The following KNSTRN variants were observed in gnomAD, a reference collection of about 807,000 sequenced individuals.
The protein encoded by KNSTRN is kinetochore localized astrin (SPAG5) binding protein.
In KNSTRN, 38 loss-of-function variants were observed where a neutral mutation model predicts 44.7. The observed-to-expected ratio is 0.85, with a 90% CI of 0.66 to 1.11. The LOEUF is 1.11. Among genes scored for constraint, KNSTRN ranks in the 50% most tolerant of loss-of-function variants. The probability of loss-of-function intolerance (pLI) is 0.00; values close to 1 mark genes in which losing one functional copy is unlikely to be tolerated. For synonymous variants in KNSTRN, 158 were observed against 148.1 expected, an observed-to-expected ratio of 1.07 and a Z score of -0.48; for missense variants, 406 against 375.8, an observed-to-expected ratio of 1.08 and a Z score of -0.66.
In KNSTRN at chr15:40,393,525, A is replaced by G; in HGVS notation, c.879A>G (p.Gln293=). 4 of 1,614,142 alleles carry G rather than the reference A, an allele frequency of 2.5e-6. No individual in the cohort carries two copies. Among genetic ancestry groups the G allele is most frequent in the Non-Finnish European group, 2.5e-6 (3 of 1,180,012 alleles). The change falls in exon 9 of 9, where the codon CAA becomes CAG. Residue 293 remains glutamine, a synonymous_variant. Coordinates refer to ENST00000249776, the MANE Select transcript of KNSTRN (RefSeq NM_033286.4). ...KEERVRFLEQ[Q]TLCNNQVNDL... is the part of the protein sequence containing the mutation. ...AAAGAGTCCGATTCCTAGAACAGCAAACCTTATGTAACAATCAAGTAAATG... is the reference window on the plus strand; with the variant it reads ...AAAGAGTCCGATTCCTAGAACAGCAGACCTTATGTAACAATCAAGTAAATG...
At position 40,386,485 on chromosome 15, in the gene KNSTRN, GA is replaced by G. The variant is rs748068196; in HGVS notation, c.429del (p.Glu144ArgfsTer5). The G allele has an allele frequency of 2.5e-6, 4 of 1,614,066 alleles. No homozygotes were observed. The Admixed American group carries it at 6.7e-5, about 27-fold the overall frequency. Reference sequence around the variant, plus strand: ...GTTACAAAAATCACCAAACTGAGACGAGAGAATGGGTGAGAACGGATCATTA... The same window carrying G: ...GTTACAAAAATCACCAAACTGAGACGGAGAATGGGTGAGAACGGATCATTA... The part of the protein sequence containing the change: ...NDVTKITKLR[R>X]ENGQMKATDT... On this transcript the variant is annotated frameshift_variant, in exon 3 of 9. Coordinates refer to ENST00000249776, the MANE Select transcript of KNSTRN (RefSeq NM_033286.4). LOFTEE classifies it high-confidence loss of function.
intron 4 of KNSTRN, chr15:40,389,257 T>G (rs1889955728): frequency 2.0e-6 from 1 of 496,610 alleles, no homozygotes; most frequent in Admixed American, 2.5e-5. Context: ...CAAGCGATTA[T>G]CCTGCCTCAG....
rs777168755 is a variant in KNSTRN at position 40,389,557 on chromosome 15, C to A, written c.537C>A (p.Asn179Lys). 1 of 1,614,136 alleles carries A rather than the reference C, an allele frequency of 6.2e-7. No individual in the cohort carries two copies. The highest frequency in any genetic ancestry group is 8.5e-7 in the Non-Finnish European group (1 of 1,180,012). Residue 179 changes from asparagine to lysine, a missense_variant, in exon 5 of 9, where the codon AAC becomes AAA. Physicochemically the swap from Asn to Lys is moderately conservative, Grantham distance 94 (BLOSUM62 0). Transcript: ENST00000249776. ...CAGAGGAAGAGCTCAAGGACAAGAA[C>A]CAGCTGTTAGAAGCCGTCAACAAGC... ...QKSEEELKDK[N>K]QLLEAVNKQL...
At chr15:40,384,346 C>G (rs1459287869) in intron 2 of KNSTRN, 1 of 399,902 alleles carries the variant, frequency 2.5e-6, no homozygotes, top group African/African-American at 2.1e-5. Context: ...TGCACTCCAG[C>G]CTGGGCGACA....
At chr15:40,391,845 C>G (rs1187402209) in intron 7 of KNSTRN, 104 bp from the exon 8 acceptor site, 7 of 871,326 alleles carry the variant, frequency 8.0e-6, no homozygotes, top group Non-Finnish European at 9.0e-6. Flanking sequence ...AATTTCTCTC[C>G]TGACTCCTTT....
chr15:40,385,298 G>T (rs1889884004), intron 2 of KNSTRN, among the ~76,000 whole-genome samples: 1 of 152,192 alleles, frequency 6.6e-6, no homozygotes, highest in South Asian at 2.1e-4. Flanking sequence ...TGCGGGGCTG[G>T]CACAAGGATA....
Position 40,386,415 on chromosome 15 carries a change from G to A in KNSTRN, c.358G>A (p.Val120Ile), listed in dbSNP as rs900091077. 3 of 1,614,132 alleles carry A rather than the reference G, an allele frequency of 1.9e-6. No individual in the cohort carries two copies. The highest frequency in any genetic ancestry group is 3.3e-5 in the Admixed American group (2 of 60,016). Residue 120 changes from valine (V) to isoleucine (I), a missense_variant, in exon 3 of 9, where the codon GTC (valine) becomes ATC (isoleucine). Coordinates refer to ENST00000249776, the MANE Select transcript of KNSTRN (RefSeq NM_033286.4). ...KSLLPVRSKE[V>I]DVSKQLHSGG... is the part of the protein sequence containing the mutation. ...TCTCTTACCTGTTAGGTCCAAAGAAGTCGATGTTTCCAAACAGCTTCATTC... is the reference window on the plus strand; with the variant it reads ...TCTCTTACCTGTTAGGTCCAAAGAAATCGATGTTTCCAAACAGCTTCATTC...
intron 1 of KNSTRN, 72 bp downstream of exon 1, chr15:40,383,116 TTC>T: frequency 1.3e-6 from 2 of 1,595,742 alleles, no homozygotes; most frequent in Non-Finnish European, 1.7e-6. Flanking sequence ...AAGGAGGATT[TTC>T]TCTTTTCCAA....
At chr15:40,383,537 G>T (rs1366193249) in intron 2 of KNSTRN, 3 of 549,392 alleles carry the variant, frequency 5.5e-6, no homozygotes, top group South Asian at 4.7e-5. Context: ...TTTTCTGCCC[G>T]CATGTGTACT....
At chr15:40,386,017 C>G (rs1231748933) in intron 2 of KNSTRN, among the ~76,000 whole-genome samples, 1 of 152,226 alleles carries the variant, frequency 6.6e-6, no homozygotes, top group Non-Finnish European at 1.5e-5. Context: ...AGGAGGATTG[C>G]TTGAGCCCAG....
chr15:40,391,657 C>G, intron 7 of KNSTRN, 103 bp downstream of exon 7: 1 of 941,250 alleles, frequency 1.1e-6, no homozygotes, highest in South Asian at 1.5e-5. Context: ...AAGAAACAGC[C>G]TTTGATTATC....
At chr15:40,393,134 T>G (rs555299484) in intron 8 of KNSTRN, 4 of 1,574,222 alleles carry the variant, frequency 2.5e-6, no homozygotes, top group East Asian at 4.5e-5. Context: ...TATGGAAACT[T>G]GATAACTCAA....
chr15:40,392,764 C>T (rs1890022086), intron 8 of KNSTRN, among the ~76,000 whole-genome samples: 1 of 152,132 alleles, frequency 6.6e-6, no homozygotes, highest in South Asian at 2.1e-4. Flanking sequence ...GCATTTGCGA[C>T]CATGACCGGC....
rs1180428241 is a variant in KNSTRN, at chr15:40,393,500, A to C, written c.854A>C (p.Glu285Ala). The C allele has an allele frequency of 1.2e-6, 2 of 1,613,908 alleles. No individual in the cohort carries two copies. Among genetic ancestry groups the C allele is most frequent in the Non-Finnish European group, 1.7e-6 (2 of 1,179,988 alleles). Reference sequence around the variant, plus strand: ...AAGGTAAAGCTGGAGATGAAAGAGGAAAGAGTCCGATTCCTAGAACAGCAA... The same window carrying C: ...AAGGTAAAGCTGGAGATGAAAGAGGCAAGAGTCCGATTCCTAGAACAGCAA... The part of the protein sequence containing the change: ...ALKVKLEMKE[E>A]RVRFLEQQTL... The change falls in exon 9 of 9, where the codon GAA (glutamate) becomes GCA (alanine). Residue 285 changes from glutamate to alanine, a missense_variant. Physicochemically the swap from Glu to Ala is moderately radical, Grantham distance 107. Coordinates refer to ENST00000249776, the MANE Select transcript of KNSTRN (RefSeq NM_033286.4).
chr15:40,390,616 ATTC>A (rs1180205619), intron 6 of KNSTRN, among the ~76,000 whole-genome samples: 1 of 151,672 alleles, frequency 6.6e-6, no homozygotes, highest in Non-Finnish European at 1.5e-5. Flanking sequence ...AGTTGAGGAT[ATTC>A]TTTTTTTTTT....
At chr15:40,386,536 G>C (rs756535609) in intron 3 of KNSTRN, 42 bp downstream of exon 3, 25 of 1,600,958 alleles carry the variant, frequency 1.6e-5, no homozygotes, top group Non-Finnish European at 2.0e-5. Flanking sequence ...CATCTTCCTA[G>C]AAATTGCTCA....
intron 4 of KNSTRN, chr15:40,389,177 C>T (rs1472507537): frequency 2.2e-6 from 1 of 463,014 alleles, no homozygotes; most frequent in South Asian, 1.6e-5. Flanking sequence ...CGGAGTTTTG[C>T]TCTTGTTGCC....
chr15:40,391,529 C>T lies in KNSTRN; in HGVS notation c.722C>T (p.Ser241Phe). 6.2e-7 allele frequency: 1 copy of T among 1,613,972 alleles called. No homozygotes were observed. The highest frequency in any genetic ancestry group is 8.5e-7 in the Non-Finnish European group (1 of 1,179,902). The change falls in exon 7 of 9, where the codon TCC becomes TTC. Residue 241 changes from serine (S) to phenylalanine (F), a missense_variant. By Grantham distance (155) the Ser-to-Phe change is radical. Transcript: ENST00000249776. ...GSETLASRQE[S>F]TTDHMDSMLL... is the part of the protein sequence containing the mutation. Reference sequence around the variant, plus strand: ...GAGACCCTGGCATCACGACAAGAATCCACTACTGATCACATGGACTCTATG... The same window carrying T: ...GAGACCCTGGCATCACGACAAGAATTCACTACTGATCACATGGACTCTATG...
chr15:40,388,683 A>AG, intron 4 of KNSTRN, among the ~76,000 whole-genome samples: 1 of 144,588 alleles, frequency 6.9e-6, no homozygotes, highest in South Asian at 2.2e-4. Flanking sequence ...CGACGGAGCG[A>AG]GACTCCATCT....
Sources: gnomAD v4.1 joint callset for allele counts (sites outside exome capture counted in the v4.1 genomes callset) on GRCh38, gnomAD v4.1.1 for gene constraint, MANE v1.5 for transcripts, NCBI Gene and HGNC (gene_info 2026-07-23, HGNC 2026-07-21) for gene names.